The following CALCRL variants were observed in gnomAD, a reference collection of about 807,000 sequenced individuals.
CALCRL encodes the protein calcitonin gene-related peptide type 1 receptor.
Under a neutral mutation model 60.4 loss-of-function variants are expected in CALCRL, and 27 were observed. The ratio of observed to expected loss-of-function variants is 0.45; its 90% CI spans 0.33 to 0.62. The LOEUF is 0.62. CALCRL is among the 20% of genes least tolerant of loss of function. The pLI, the probability that CALCRL is intolerant of heterozygous loss-of-function variation, is 0.03. For missense variants in CALCRL, 424 were observed against 540.7 expected, an observed-to-expected ratio of 0.78 and a Z score of 2.14; for synonymous variants, 190 against 182.6, an observed-to-expected ratio of 1.04 and a Z score of -0.33.
chr2:187,366,918 CCCCACACACACACACACA>C (rs1156718295), intron 8 of CALCRL, among the ~76,000 whole-genome samples: 45 of 84,602 alleles, frequency 5.3e-4, no homozygotes, highest in African/African-American at 2.0e-3. Context: ...GTGAGTATAA[CCCCACACACACACACACA>C]CACACACACA....
At chr2:187,417,737 C>T (rs902956328) in intron 1 of CALCRL, among the ~76,000 whole-genome samples, 1 of 151,906 alleles carries the variant, frequency 6.6e-6, no homozygotes, top group African/African-American at 2.4e-5. Context: ...AAATACTTTT[C>T]TCTTCAATAT....
At chr2:187,436,678 A>G (rs1331429144) in intron 1 of CALCRL, 6 of 152,344 alleles carry the variant, frequency 3.9e-5, no homozygotes, top group African/African-American at 1.2e-4. Context: ...TTGCATGTCA[A>G]CTGAAAATGG....
chr2:187,438,334 G>A (rs1690737997), intron 1 of CALCRL, among the ~76,000 whole-genome samples: 1 of 152,132 alleles, frequency 6.6e-6, no homozygotes, highest in South Asian at 2.1e-4. Context: ...ACAATACAAT[G>A]AGGTAAGGTC....
chr2:187,363,504 T>C lies in CALCRL; in HGVS notation c.501-2A>G. ...GTAATCCTTTGGCAACTTAGGCTCC[T>C]AAAAAGCAAGAAAAACAAGTGTGTT... On this transcript the variant is annotated splice_acceptor_variant, in intron 8 of 14. Coordinates refer to ENST00000392370, the MANE Select transcript of CALCRL (RefSeq NM_005795.6). LOFTEE classifies it high-confidence loss of function. 1 of 1,588,818 alleles carries C rather than the reference T, an allele frequency of 6.3e-7. No homozygotes were observed. Among genetic ancestry groups the C allele is most frequent in the Non-Finnish European group, 8.6e-7 (1 of 1,169,550 alleles).
chr2:187,355,154 C>A (rs1293240660), intron 12 of CALCRL, among the ~76,000 whole-genome samples: 2 of 152,020 alleles, frequency 1.3e-5, no homozygotes, highest in Middle Eastern at 3.2e-3. Flanking sequence ...GGTATATATT[C>A]TTATTATTCC....
At chr2:187,425,018 A>T (rs1010945615) in intron 1 of CALCRL, among the ~76,000 whole-genome samples, 2 of 151,954 alleles carry the variant, frequency 1.3e-5, no homozygotes, top group Admixed American at 6.6e-5. Context: ...ATTGACTATT[A>T]GAATTAGTTT....
chr2:187,374,369 G>C (rs1196047761), intron 8 of CALCRL, among the ~76,000 whole-genome samples: 1 of 152,108 alleles, frequency 6.6e-6, no homozygotes, highest in Non-Finnish European at 1.5e-5. Flanking sequence ...AAGATTTGTA[G>C]AGTCAATTAA....
chr2:187,361,439 C>A (rs1022581123), intron 9 of CALCRL, among the ~76,000 whole-genome samples: 1 of 151,870 alleles, frequency 6.6e-6, no homozygotes, highest in Non-Finnish European at 1.5e-5. Context: ...CAGGAGAATA[C>A]AATTAAAGCT....
chr2:187,379,260 ATTTT>A (rs1188396132), intron 7 of CALCRL, among the ~76,000 whole-genome samples: 1 of 151,984 alleles, frequency 6.6e-6, no homozygotes, highest in Non-Finnish European at 1.5e-5. Context: ...ATGCCTTTTT[ATTTT>A]TTTAATAATT....
intron 1 of CALCRL, among the ~76,000 whole-genome samples, chr2:187,437,942 A>G (rs187971229): frequency 1.3e-5 from 2 of 152,306 alleles, no homozygotes; most frequent in African/African-American, 4.8e-5. Flanking sequence ...GACACATTTT[A>G]TATACATATT....
chr2:187,431,793 G>A (rs1299349167), intron 1 of CALCRL, among the ~76,000 whole-genome samples: 2 of 151,842 alleles, frequency 1.3e-5, no homozygotes, highest in Non-Finnish European at 2.9e-5. Context: ...TATTAAAATG[G>A]CCAGTTTTGA....
intron 1 of CALCRL, among the ~76,000 whole-genome samples, chr2:187,445,061 A>G (rs1206428170): frequency 6.6e-6 from 1 of 151,650 alleles, no homozygotes; most frequent in Admixed American, 6.6e-5. Context: ...CTGAGAAATT[A>G]TGAATGTTTA....
intron 1 of CALCRL, chr2:187,441,970 G>T (rs1433310499): frequency 6.6e-6 from 1 of 150,718 alleles, no homozygotes; most frequent in African/African-American, 2.4e-5. Flanking sequence ...CTGTCTGCTG[G>T]GAAAACTCTT....
chr2:187,447,108 C>T (rs1216272955), intron 1 of CALCRL, among the ~76,000 whole-genome samples: 2 of 152,012 alleles, frequency 1.3e-5, no homozygotes, highest in Non-Finnish European at 2.9e-5. Flanking sequence ...TCTGTACTAT[C>T]GGAATGAGCA....
chr2:187,371,633 G>A (rs1040827084), intron 8 of CALCRL, among the ~76,000 whole-genome samples: 1 of 152,010 alleles, frequency 6.6e-6, no homozygotes, highest in African/African-American at 2.4e-5. Flanking sequence ...TCATGTGGGA[G>A]GCTGAGGCAG....
intron 8 of CALCRL, among the ~76,000 whole-genome samples, chr2:187,373,671 C>T (rs950543388): frequency 1.3e-5 from 2 of 152,120 alleles, no homozygotes; most frequent in African/African-American, 2.4e-5. Context: ...TTGAATCAGA[C>T]GCTCTGCTTA....
At chr2:187,363,951 CTG>C (rs574721924) in intron 8 of CALCRL, among the ~76,000 whole-genome samples, 52 of 152,198 alleles carry the variant, frequency 3.4e-4, no homozygotes, top group African/African-American at 1.2e-3. Context: ...TTAAATAAAA[CTG>C]TGTGTTTTGT....
intron 3 of CALCRL, among the ~76,000 whole-genome samples, chr2:187,386,480 T>C (rs1457394371): frequency 6.6e-6 from 1 of 152,126 alleles, no homozygotes; most frequent in African/African-American, 2.4e-5. Flanking sequence ...ATCTACATTA[T>C]TCAAATAAGG....
chr2:187,394,024 C>G (rs1190011837), intron 1 of CALCRL, among the ~76,000 whole-genome samples: 1 of 151,980 alleles, frequency 6.6e-6, no homozygotes, highest in Non-Finnish European at 1.5e-5. Context: ...CCTAGGTTAT[C>G]TTGAGTTATC....
Sources: allele counts gnomAD v4.1 joint callset (sites outside exome capture counted in the v4.1 genomes callset), GRCh38; gene constraint gnomAD v4.1.1; transcripts MANE v1.5; gene names NCBI Gene and HGNC (gene_info 2026-07-23, HGNC 2026-07-21).